ASAP1: variants seen among roughly 807,000 people sequenced by gnomAD.
ASAP1 encodes the protein ArfGAP with SH3 domain, ankyrin repeat and PH domain 1.
ASAP1 carries 43 observed loss-of-function variants against 145.2 expected under a neutral mutation model. The ratio of observed to expected loss-of-function variants is 0.30; its 90% CI spans 0.23 to 0.38. The LOEUF (loss-of-function observed/expected upper bound fraction) is 0.38. Ranked by LOEUF, ASAP1 falls within the 10% of genes least tolerant of loss-of-function variation. The pLI is 1.00. For missense variants in ASAP1, 1,018 were observed against 1,355.3 expected (o/e 0.75, Z 3.91); for synonymous variants, 546 against 515.5 (o/e 1.06, Z -0.80).
At chr8:130,131,452 CTCTCACCACCA>C (rs1312935669) in intron 15 of ASAP1, among the ~76,000 whole-genome samples, 1 of 151,800 alleles carries the variant, frequency 6.6e-6, no homozygotes, top group Non-Finnish European at 1.5e-5. Context: ...CAAAGTTCCC[CTCTCACCACCA>C]GCACCCAGAG....
intron 26 of ASAP1, 48 bp downstream of exon 26, chr8:130,079,854 T>C: frequency 6.4e-7 from 1 of 1,562,532 alleles, no homozygotes; most frequent in Admixed American, 1.7e-5. Context: ...ATTCTGTCCA[T>C]TGCATCAATG....
chr8:130,242,244 T>C (rs1488293585), intron 3 of ASAP1, among the ~76,000 whole-genome samples: 2 of 108,698 alleles, frequency 1.8e-5, no homozygotes, highest in African/African-American at 3.8e-5. Flanking sequence ...AATACTCCTA[T>C]ACCAAAGTGA....
At chr8:130,306,183 T>G (rs1822980814) in intron 3 of ASAP1, among the ~76,000 whole-genome samples, 1 of 152,196 alleles carries the variant, frequency 6.6e-6, no homozygotes. Context: ...CTTAGAGAGA[T>G]TCAGGGAAAA....
chr8:130,104,026 C>T (rs1438629506), intron 24 of ASAP1, among the ~76,000 whole-genome samples: 1 of 152,122 alleles, frequency 6.6e-6, no homozygotes, highest in East Asian at 1.9e-4. Flanking sequence ...TATTCTCTAC[C>T]ATACATTACA....
intron 3 of ASAP1, among the ~76,000 whole-genome samples, chr8:130,333,901 C>A (rs1040203432): frequency 1.3e-5 from 2 of 152,184 alleles, no homozygotes; most frequent in Non-Finnish European, 2.9e-5. Flanking sequence ...CAGGGAACCC[C>A]GTGAAGCCTC....
At chr8:130,065,940 A>G (rs954411951) in intron 27 of ASAP1, among the ~76,000 whole-genome samples, 1 of 152,152 alleles carries the variant, frequency 6.6e-6, no homozygotes, top group African/African-American at 2.4e-5. Flanking sequence ...AGCTAGATCC[A>G]GTTCCTTCTT....
chr8:130,419,096 C>A (rs963058189), intron 1 of ASAP1, among the ~76,000 whole-genome samples: 2 of 152,184 alleles, frequency 1.3e-5, no homozygotes, highest in African/African-American at 4.8e-5. Context: ...GGGTCCCGCA[C>A]GCATTGTCTC....
At chr8:130,145,674 T>C (rs891652750) in intron 13 of ASAP1, among the ~76,000 whole-genome samples, 3 of 152,134 alleles carry the variant, frequency 2.0e-5, no homozygotes, top group African/African-American at 7.2e-5. Flanking sequence ...CTGGGCTCCA[T>C]GCCATATGTT....
chr8:130,343,110 AG>A (rs1825490057), intron 3 of ASAP1, among the ~76,000 whole-genome samples: 1 of 152,218 alleles, frequency 6.6e-6, no homozygotes, highest in African/African-American at 2.4e-5. Context: ...CAGGCAGGCT[AG>A]AAGCTGGCCA....
intron 6 of ASAP1, 120 bp from the exon 7 acceptor site, chr8:130,187,405 T>C (rs1307573466): frequency 3.7e-6 from 3 of 804,090 alleles, no homozygotes; most frequent in African/African-American, 3.5e-5. Context: ...AACTTCACTT[T>C]ATGCACGTTA....
rs569827342 is a variant in ASAP1 at position 130,230,268 on chromosome 8, C to T, written c.259+6654G>A. 1.0e-4 allele frequency among the ~76,000 whole-genome samples: 15 copies of T among 149,580 alleles called. No homozygotes were observed. In the East Asian group the frequency reaches 2.2e-3, roughly 22 times the overall value. On this transcript the variant is annotated intron_variant, in intron 4 of 29. Coordinates refer to ENST00000518721, the MANE Select transcript of ASAP1 (RefSeq NM_018482.4). ...AGCACTCATTCTACAACCAGCAAAA[C>T]GGAGGAAGTGCATACACAGGCTCAT...
Position 130,289,555 on chromosome 8 carries a change from G to A in ASAP1, c.187-52561C>T, listed in dbSNP as rs567965388. Among the ~76,000 whole-genome samples, 3 of 152,320 alleles carry A rather than the reference G, an allele frequency of 2.0e-5. No individual in the cohort carries two copies. The South Asian group carries it at 6.2e-4, about 32-fold the overall frequency. Reference sequence around the variant, plus strand: ...CCAAACTTTAAGAATGGAAAAGACTGGGGAGGCGAAGACTGGAAGGCTTCA... The same window carrying A: ...CCAAACTTTAAGAATGGAAAAGACTAGGGAGGCGAAGACTGGAAGGCTTCA... On this transcript the variant is annotated intron_variant, in intron 3 of 29. Transcript: ENST00000518721.
intron 3 of ASAP1, among the ~76,000 whole-genome samples, chr8:130,351,704 G>C (rs959048546): frequency 1.7e-4 from 26 of 152,254 alleles, no homozygotes; most frequent in African/African-American, 5.8e-4. Context: ...AACTAATTGA[G>C]CAAGAACTCA....
intron 4 of ASAP1, among the ~76,000 whole-genome samples, 160 bp from the exon 5 acceptor site, chr8:130,214,861 T>C (rs977926385): frequency 6.6e-6 from 1 of 152,154 alleles, no homozygotes; most frequent in Non-Finnish European, 1.5e-5. Context: ...GTACACTAAA[T>C]ATTCTAACTC....
intron 18 of ASAP1, among the ~76,000 whole-genome samples, chr8:130,120,301 T>C (rs2097563668): frequency 1.3e-5 from 2 of 152,250 alleles, no homozygotes; most frequent in South Asian, 4.1e-4. Flanking sequence ...GAAAGGCAGC[T>C]ACTGTGTTGA....
intron 2 of ASAP1, among the ~76,000 whole-genome samples, chr8:130,389,814 C>T (rs941012431): frequency 6.6e-4 from 101 of 152,208 alleles, no homozygotes; most frequent in African/African-American, 2.2e-3. Flanking sequence ...AATCCTTCCA[C>T]CTCAGCCTCC....
At chr8:130,301,338 C>T (rs181206371) in intron 3 of ASAP1, among the ~76,000 whole-genome samples, 8 of 152,274 alleles carry the variant, frequency 5.3e-5, no homozygotes, top group Non-Finnish European at 1.0e-4. Flanking sequence ...TTCTGAGAAA[C>T]GATGGAAATC....
chr8:130,416,337 G>A (rs933529850), intron 1 of ASAP1, among the ~76,000 whole-genome samples: 1 of 152,206 alleles, frequency 6.6e-6, no homozygotes, highest in Admixed American at 6.5e-5. Context: ...GAAACAAGAC[G>A]CCGCAGCTAG....
intron 27 of ASAP1, among the ~76,000 whole-genome samples, chr8:130,075,636 AGGTAT>A: frequency 6.6e-6 from 1 of 152,208 alleles, no homozygotes; most frequent in African/African-American, 2.4e-5. Context: ...TTTAAAGGTA[AGGTAT>A]GGTAACAACA....
Sources: allele counts gnomAD v4.1 joint callset (sites outside exome capture counted in the v4.1 genomes callset), GRCh38; gene constraint gnomAD v4.1.1; transcripts MANE v1.5; gene names NCBI Gene and HGNC (gene_info 2026-07-23, HGNC 2026-07-21).